TFDP1: variants seen among roughly 807,000 people sequenced by gnomAD.
The protein encoded by TFDP1 is DRTF1-polypeptide 1.
Under a neutral mutation model 48.0 loss-of-function variants are expected in TFDP1, and 6 were observed. That is an observed-to-expected ratio of 0.13 (90% CI 0.07 to 0.25). TFDP1 has a LOEUF of 0.25. Ranked by LOEUF, TFDP1 falls within the 10% of genes least tolerant of loss-of-function variation. TFDP1 has a pLI of 1.00. For synonymous variants in TFDP1, 201 were observed against 211.6 expected (o/e 0.95, Z 0.44); for missense variants, 335 against 543.0 (o/e 0.62, Z 3.81).
chr13:113,595,449 T>C (rs1011181707), intron 2 of TFDP1, among the ~76,000 whole-genome samples: 1 of 152,232 alleles, frequency 6.6e-6, no homozygotes, highest in African/African-American at 2.4e-5. Context: ...TGAGCAAGGC[T>C]GAGTCTGAGA....
intron 2 of TFDP1, among the ~76,000 whole-genome samples, chr13:113,603,266 C>T (rs1192263997): frequency 6.6e-6 from 1 of 152,200 alleles, no homozygotes; most frequent in Non-Finnish European, 1.5e-5. Context: ...TCTTCATGCC[C>T]TCGCACCCTC....
intron 1 of TFDP1, 181 bp from the exon 2 acceptor site, chr13:113,585,593 C>T (rs1374161130): frequency 4.8e-6 from 2 of 417,750 alleles, no homozygotes; most frequent in East Asian, 3.5e-5. Context: ...GCATTTCCGT[C>T]TGGCGAGGCG....
At chr13:113,586,830 C>G (rs1043125654) in intron 2 of TFDP1, among the ~76,000 whole-genome samples, 25 of 152,308 alleles carry the variant, frequency 1.6e-4, no homozygotes, top group African/African-American at 6.0e-4. Context: ...GTGTGAGCAC[C>G]CAGGTGGACC....
At chr13:113,621,041 A>T (rs1284450845) in intron 3 of TFDP1, among the ~76,000 whole-genome samples, 1 of 152,278 alleles carries the variant, frequency 6.6e-6, no homozygotes, top group African/African-American at 2.4e-5. Context: ...AAAGCAGTAG[A>T]TGTTTTAAAA....
At chr13:113,632,342 C>G (rs2049359078) in intron 5 of TFDP1, among the ~76,000 whole-genome samples, 1 of 152,270 alleles carries the variant, frequency 6.6e-6, no homozygotes, top group Admixed American at 6.5e-5. Flanking sequence ...CAGAGTTGGG[C>G]TTTCCCTCGA....
At chr13:113,634,687 C>T (rs1202745514) in intron 8 of TFDP1, 85 bp downstream of exon 8, 1 of 1,005,458 alleles carries the variant, frequency 9.9e-7, no homozygotes, top group Non-Finnish European at 1.5e-6. Context: ...CCTTGGGTTA[C>T]ACTCCTGCAT....
rs1171882760 is a variant in TFDP1, at chr13:113,607,485, C to T, written c.13-3511C>T. Among the ~76,000 whole-genome samples, 1 of 152,232 alleles carries T rather than the reference C, an allele frequency of 6.6e-6. No homozygotes were observed. On this transcript the variant is annotated intron_variant, in intron 2 of 11. Coordinates refer to ENST00000375370, the MANE Select transcript of TFDP1 (RefSeq NM_007111.5). The surrounding 1 kb of genome is among the most constrained non-coding windows in gnomAD (Gnocchi z 5.2). Reference sequence around the variant, plus strand: ...TGGCAGACACAGTTGGAACCACAGACGATGCCACGCTTGTGTCAGCAGTGC... The same window carrying T: ...TGGCAGACACAGTTGGAACCACAGATGATGCCACGCTTGTGTCAGCAGTGC...
intron 4 of TFDP1, among the ~76,000 whole-genome samples, chr13:113,630,540 C>G (rs563260639): frequency 6.6e-6 from 1 of 152,278 alleles, no homozygotes; most frequent in East Asian, 1.9e-4. Flanking sequence ...GAAGCCCCCC[C>G]GCCAGCATAC....
chr13:113,636,527 C>T lies in TFDP1; in HGVS notation c.840-7C>T, dbSNP rs748085071. 2 of 1,613,032 alleles carry T rather than the reference C, an allele frequency of 1.2e-6. No individual in the cohort carries two copies. Among genetic ancestry groups the T allele is most frequent in the Non-Finnish European group, 8.5e-7 (1 of 1,179,908 alleles). On this transcript the variant is annotated splice_polypyrimidine_tract_variant and splice_region_variant and intron_variant, in intron 9 of 11. Coordinates refer to ENST00000375370, the MANE Select transcript of TFDP1 (RefSeq NM_007111.5). ...CCTGTCTTTCTGACTGTGCCTTTCC[C>T]CTTCAGATTTGAGTATCTGTTTAAT...
chr13:113,611,581 C>G (rs929178098), intron 3 of TFDP1, among the ~76,000 whole-genome samples: 2 of 152,228 alleles, frequency 1.3e-5, no homozygotes, highest in African/African-American at 4.8e-5. Flanking sequence ...GAGGTTGAAG[C>G]CACCTCTTCC....
intron 2 of TFDP1, among the ~76,000 whole-genome samples, chr13:113,588,720 ATGGAGAGTGAGTGGTGGTGCTGGAGTGG>A (rs1423484675): frequency 2.6e-5 from 4 of 151,616 alleles, no homozygotes; most frequent in East Asian, 1.9e-4. Context: ...GGTGGACTTG[ATGGAGAGTGAGTGGTGGTGCTGGAGTGG>A]TGGAGAGTGA....
rs1290997687 is a variant in TFDP1 at position 113,607,468 on chromosome 13, A to C, written c.13-3528A>C. 6.6e-6 allele frequency among the ~76,000 whole-genome samples: 1 copy of C among 152,240 alleles called. No individual in the cohort carries two copies. Among genetic ancestry groups the C allele is most frequent in the African/African-American group, 2.4e-5 (1 of 41,450 alleles). ...GAGCAAAATGATGCTTGTGGCAGAC[A>C]CAGTTGGAACCACAGACGATGCCAC... On this transcript the variant is annotated intron_variant, in intron 2 of 11. Coordinates refer to ENST00000375370, the MANE Select transcript of TFDP1 (RefSeq NM_007111.5). The surrounding 1 kb of genome is among the most constrained non-coding windows in gnomAD (Gnocchi z 5.2).
At chr13:113,592,013 A>G (rs1433850937) in intron 2 of TFDP1, among the ~76,000 whole-genome samples, 3 of 152,234 alleles carry the variant, frequency 2.0e-5, no homozygotes, top group Non-Finnish European at 4.4e-5. Flanking sequence ...ACTCCGCTTC[A>G]GGGCTCCTGT....
intron 2 of TFDP1, among the ~76,000 whole-genome samples, chr13:113,587,482 C>CTTTTTTT (rs34556944): frequency 8.0e-6 from 1 of 125,482 alleles, no homozygotes; most frequent in African/African-American, 3.1e-5. Flanking sequence ...TTCGCTAGCT[C>CTTTTTTT]TTTTTTTTTT....
chr13:113,633,219 C>A lies in TFDP1; in HGVS notation c.408C>A (p.Asn136Lys), dbSNP rs750414853. Reference protein sequence around the residue: ...KVQRKGTTSYNEVADELVAEF... With the variant: ...KVQRKGTTSYKEVADELVAEF... ...AGAGGAAAGGGACCACTTCCTACAA[C>A]GAAGTGGCAGACGAGCTGGTTGCGG... Residue 136 changes from asparagine (N) to lysine (K), a missense_variant, in exon 6 of 12, where the codon AAC (asparagine) becomes AAA (lysine). Asn to Lys is a moderately conservative substitution (Grantham distance 94). This residue lies in a region of TFDP1 where 28 missense variants were observed against 115.5 expected (regional missense o/e 0.24). Coordinates refer to ENST00000375370, the MANE Select transcript of TFDP1 (RefSeq NM_007111.5). The surrounding 1 kb of genome is among the most constrained non-coding windows in gnomAD (Gnocchi z 4.5). 5 of 1,613,968 alleles carry A rather than the reference C, an allele frequency of 3.1e-6. No individual in the cohort carries two copies. The highest frequency in any genetic ancestry group is 4.2e-6 in the Non-Finnish European group (5 of 1,180,026).
At chr13:113,638,965 G>C (rs181516736) in intron 11 of TFDP1, among the ~76,000 whole-genome samples, 1 of 152,304 alleles carries the variant, frequency 6.6e-6, no homozygotes, top group Admixed American at 6.5e-5. Context: ...GTTGGGATGT[G>C]CTGTGGCCAT....
At position 113,633,016 on chromosome 13, in the gene TFDP1, C is replaced by A; in HGVS notation, c.309-104C>A. The A allele has an allele frequency of 6.8e-7, 1 of 1,470,950 alleles. No individual in the cohort carries two copies. Among genetic ancestry groups the A allele is most frequent in the Non-Finnish European group, 9.2e-7 (1 of 1,081,620 alleles). The allele number at this position is 1,470,950 out of a possible 1,614,324, so 91.1% of individuals were successfully genotyped here. On this transcript the variant is annotated intron_variant, in intron 5 of 11. Transcript: ENST00000375370. This position sits in a 1 kb window ranked among gnomAD's most constrained non-coding sequence, Gnocchi z 4.5. ...CTGCTGCGCCCGTGGGACGTGGCCC[C>A]TTTTTGTGCAGCTCATTAGAGCTCT...
intron 2 of TFDP1, among the ~76,000 whole-genome samples, chr13:113,595,864 C>T (rs1380491207): frequency 2.0e-5 from 3 of 152,174 alleles, no homozygotes; most frequent in South Asian, 2.1e-4. Flanking sequence ...GGGCGGATCA[C>T]AAGGTCAGGA....
chr13:113,608,228 C>T (rs755563038), intron 2 of TFDP1, among the ~76,000 whole-genome samples: 12 of 152,254 alleles, frequency 7.9e-5, no homozygotes, highest in Non-Finnish European at 1.6e-4. Context: ...AAAAAAGGCA[C>T]TGTGCCACCC....
Sources: allele counts gnomAD v4.1 joint callset (sites outside exome capture counted in the v4.1 genomes callset), GRCh38; gene constraint gnomAD v4.1.1; regional missense constraint gnomAD v4.1.1; non-coding constraint Gnocchi (gnomAD v3.1); transcripts MANE v1.5; gene names NCBI Gene and HGNC (gene_info 2026-07-23, HGNC 2026-07-21).